Variants in WNT4 observed in about 807,000 individuals in gnomAD.
WNT4 encodes protein Wnt-4.
Under a neutral mutation model 34.5 loss-of-function variants are expected in WNT4, and 16 were observed. That is an observed-to-expected ratio of 0.46 (90% CI 0.31 to 0.70). The LOEUF is 0.70. Among genes scored for constraint, WNT4 ranks in the 30% least tolerant of loss-of-function variants. The pLI, the probability that WNT4 is intolerant of heterozygous loss-of-function variation, is 0.04. For synonymous variants in WNT4, 200 were observed against 211.9 expected, an observed-to-expected ratio of 0.94 and a Z score of 0.49; for missense variants, 379 against 495.9, an observed-to-expected ratio of 0.76 and a Z score of 2.24.
At chr1:22,138,409 C>T (rs534523124) in intron 1 of WNT4, among the ~76,000 whole-genome samples, 15 of 151,412 alleles carry the variant, frequency 9.9e-5, no homozygotes, top group African/African-American at 3.2e-4. Flanking sequence ...TTTGCCCGCC[C>T]CCCAGGGGAC....
At chr1:22,122,439 C>T (rs11584458) in intron 2 of WNT4, among the ~76,000 whole-genome samples, 23,892 of 152,092 alleles carry the variant, frequency 0.16, 2,141 homozygotes, top group African/African-American at 0.23. Context: ...TGCCCGCCCT[C>T]GTCCCTCGCC....
In WNT4 at chr1:22,139,911, C is replaced by G. The variant is rs1432486997; in HGVS notation, c.77+2935G>C. ...GCTGTCAGCGGGCTCCTCCGGGTGC[C>G]AGACGAGAGTCTAATCAACAGCTCC... is the stretch of plus-strand genomic sequence containing the variant. On this transcript the variant is annotated intron_variant, in intron 1 of 4. Transcript: ENST00000290167. This position sits in a 1 kb window ranked among gnomAD's most constrained non-coding sequence, Gnocchi z 4.6. 6.6e-6 allele frequency among the ~76,000 whole-genome samples: 1 copy of G among 152,230 alleles called. No individual in the cohort carries two copies. Among genetic ancestry groups the G allele is most frequent in the Non-Finnish European group, 1.5e-5 (1 of 68,030 alleles).
rs1645899028 is a variant in WNT4 at position 22,121,585 on chromosome 1, G to A, written c.314-9C>T. 5 of 1,612,050 alleles carry A rather than the reference G, an allele frequency of 3.1e-6. No homozygotes were observed. Among genetic ancestry groups the A allele is most frequent in the Non-Finnish European group, 4.2e-6 (5 of 1,179,956 alleles). On this transcript the variant is annotated splice_polypyrimidine_tract_variant and intron_variant, in intron 2 of 4. Transcript: ENST00000290167. ...GGCCGCCTCCCGAGTCCCTGTGGGA[G>A]GCAGAGGGAGGGCAGAGCTGGGTCC...
In WNT4 at chr1:22,142,893, C is replaced by A; in HGVS notation, c.30G>T (p.Leu10=). MSPRSCLRS[L]RLLVFAVFSA... ...AGAAGACGGCGAAGACGAGGAGGCG[C>A]AGCGAACGCAGGCACGAGCGGGGAC... The change falls in exon 1 of 5, where the codon CTG becomes CTT. Residue 10 remains leucine (L), a synonymous_variant. Transcript: ENST00000290167. The surrounding 1 kb of genome is among the most constrained non-coding windows in gnomAD (Gnocchi z 6.0). 1.7e-6 allele frequency: 2 copies of A among 1,209,918 alleles called. No individual in the cohort carries two copies. The highest frequency in any genetic ancestry group is 1.4e-5 in the South Asian group (1 of 72,910). The allele number at this position is 1,209,918 out of a possible 1,614,324, so 74.9% of individuals were successfully genotyped here. A position where few individuals can be genotyped will look rare whatever the true frequency, so the allele number is the denominator to read the frequency against.
chr1:22,133,480 C>G (rs922430760), intron 1 of WNT4, among the ~76,000 whole-genome samples: 17 of 152,196 alleles, frequency 1.1e-4, no homozygotes, highest in African/African-American at 3.6e-4. Flanking sequence ...GGAGCTGGAC[C>G]AGGCTCAAAA....
At chr1:22,141,696 C>T (rs925123970) in intron 1 of WNT4, among the ~76,000 whole-genome samples, 2 of 152,228 alleles carry the variant, frequency 1.3e-5, no homozygotes, top group Admixed American at 1.3e-4. Context: ...GAACACACTC[C>T]TTCCAGCCTG....
chr1:22,132,806 G>A (rs76996541), intron 1 of WNT4, among the ~76,000 whole-genome samples: 3,408 of 152,228 alleles, frequency 0.022, 49 homozygotes, highest in African/African-American at 0.039. Flanking sequence ...ATCTGGCACA[G>A]CAGCTGTCCC....
rs3835220 is a variant in WNT4, at chr1:22,119,615, C to CT, written c.*434dup. The CT allele has an allele frequency of 0.53, 140,928 of 264,642 alleles. 39,280 individuals are homozygous for CT. Among genetic ancestry groups the CT allele is most frequent in the African/African-American group, 0.62 (27,930 of 44,860 alleles). The allele number at this position is 264,642 out of a possible 1,614,324, so 16.4% of individuals were successfully genotyped here. A position where few individuals can be genotyped will look rare whatever the true frequency, so the allele number is the denominator to read the frequency against. On this transcript the variant is annotated 3_prime_UTR_variant, in exon 5 of 5. Transcript: ENST00000290167. Reference sequence around the variant, plus strand: ...TATGTGTGCTGGAGAGTTAAGAGTTCTTTTTTCCAGAGGGTGTGACTTCCA... The same window carrying CT: ...TATGTGTGCTGGAGAGTTAAGAGTTCTTTTTTTCCAGAGGGTGTGACTTCCA...
intron 1 of WNT4, among the ~76,000 whole-genome samples, chr1:22,131,787 C>T (rs1202207947): frequency 6.6e-6 from 1 of 152,212 alleles, no homozygotes; most frequent in Admixed American, 6.5e-5. Flanking sequence ...CCTCCCCTCC[C>T]CACCCCCTGC....
chr1:22,136,511 GA>G (rs1470012264), intron 1 of WNT4, among the ~76,000 whole-genome samples: 1 of 152,144 alleles, frequency 6.6e-6, no homozygotes, highest in Non-Finnish European at 1.5e-5. Flanking sequence ...GGCCTTGGGG[GA>G]TACCTTCCAA....
At chr1:22,136,915 C>G (rs1204960659) in intron 1 of WNT4, among the ~76,000 whole-genome samples, 4 of 152,168 alleles carry the variant, frequency 2.6e-5, no homozygotes, top group Admixed American at 6.5e-5. Context: ...TCTGCTGTCT[C>G]CAGCCCTTGG....
In WNT4 at chr1:22,134,278, A is replaced by G. The variant is rs1646005258; in HGVS notation, c.78-4427T>C. ...TGGGTGGGAGGGGGAGCCGGAAGAA[A>G]ACGGAGTGGCTGCTGAACAGAGCTG... On this transcript the variant is annotated intron_variant, in intron 1 of 4. Transcript: ENST00000290167. The surrounding 1 kb of genome is among the most constrained non-coding windows in gnomAD (Gnocchi z 4.1). Among the ~76,000 whole-genome samples the G allele has an allele frequency of 6.6e-6, 1 of 152,146 alleles. No homozygotes were observed. Among genetic ancestry groups the G allele is most frequent in the Non-Finnish European group, 1.5e-5 (1 of 68,018 alleles).
chr1:22,136,259 G>A (rs1429366736), intron 1 of WNT4, among the ~76,000 whole-genome samples: 2 of 152,126 alleles, frequency 1.3e-5, no homozygotes, highest in East Asian at 3.9e-4. Context: ...TTTAAGGCTG[G>A]TCTGACCTCA....
Position 22,123,818 on chromosome 1 carries a change from T to G in WNT4, c.314-2242A>C, listed in dbSNP as rs75412006. ...TCCCACATATGGAGCCAAGAAGGGC[T>G]TCCTTAGGTCCACCCCAAACTTCAC... is the stretch of plus-strand genomic sequence containing the variant. On this transcript the variant is annotated intron_variant, in intron 2 of 4. Transcript: ENST00000290167. Among the ~76,000 whole-genome samples, 233 of 152,270 alleles carry G rather than the reference T, an allele frequency of 1.5e-3. 1 individual carries two copies. The highest frequency in any genetic ancestry group is 6.8e-3 in the Middle Eastern group (2 of 294).
rs1338675467 is a variant in WNT4, at chr1:22,137,940, T to C, written c.77+4906A>G. Among the ~76,000 whole-genome samples the C allele has an allele frequency of 6.6e-6, 1 of 152,206 alleles. No homozygotes were observed. Among genetic ancestry groups the C allele is most frequent in the Admixed American group, 6.5e-5 (1 of 15,284 alleles). On this transcript the variant is annotated intron_variant, in intron 1 of 4. Coordinates refer to ENST00000290167, the MANE Select transcript of WNT4 (RefSeq NM_030761.5). The surrounding 1 kb of genome is among the most constrained non-coding windows in gnomAD (Gnocchi z 5.3). Reference sequence around the variant, plus strand: ...CAGGCCTTTGAAGATGGGCTACCATTGGACAACAGCTGAGAACCCTCTAAA... The same window carrying C: ...CAGGCCTTTGAAGATGGGCTACCATCGGACAACAGCTGAGAACCCTCTAAA...
At position 22,142,502 on chromosome 1, in the gene WNT4, C is replaced by T. The variant is rs1646078059; in HGVS notation, c.77+344G>A. Among the ~76,000 whole-genome samples the T allele has an allele frequency of 6.6e-6, 1 of 152,192 alleles. No homozygotes were observed. The highest frequency in any genetic ancestry group is 1.5e-5 in the Non-Finnish European group (1 of 68,020). On this transcript the variant is annotated intron_variant, in intron 1 of 4. Coordinates refer to ENST00000290167, the MANE Select transcript of WNT4 (RefSeq NM_030761.5). This position sits in a 1 kb window ranked among gnomAD's most constrained non-coding sequence, Gnocchi z 6.0. ...GGGCTTCCTCAGCGACCTGTCAGCC[C>T]GGCTGGACTGCAACCCGCGTCCGGC...
intron 1 of WNT4, among the ~76,000 whole-genome samples, chr1:22,133,704 G>A (rs555160918): frequency 2.4e-4 from 36 of 152,318 alleles, no homozygotes; most frequent in African/African-American, 7.9e-4. Flanking sequence ...TGGCCATGCC[G>A]TTGATCAGGT....
At chr1:22,130,173 T>A (rs907704176) in intron 1 of WNT4, among the ~76,000 whole-genome samples, 1 of 152,170 alleles carries the variant, frequency 6.6e-6, no homozygotes, top group African/African-American at 2.4e-5. Flanking sequence ...TGCCAGGACG[T>A]CACCCCAGAC....
At chr1:22,127,768 T>A (rs6679479) in intron 2 of WNT4, among the ~76,000 whole-genome samples, 26,023 of 152,026 alleles carry the variant, frequency 0.17, 2,340 homozygotes, top group African/African-American at 0.2. Flanking sequence ...ATTATGATTT[T>A]AAAAAAATCC....
Sources: allele counts gnomAD v4.1 joint callset (sites outside exome capture counted in the v4.1 genomes callset), GRCh38; gene constraint gnomAD v4.1.1; non-coding constraint Gnocchi (gnomAD v3.1); transcripts MANE v1.5; gene names NCBI Gene and HGNC (gene_info 2026-07-23, HGNC 2026-07-21).